Variants in CARNMT1 observed in about 807,000 individuals in gnomAD.
The protein encoded by CARNMT1 is carnosine N-methyltransferase 1.
A neutral mutation model predicts 49.6 loss-of-function variants in CARNMT1; 28 were observed. The ratio of observed to expected loss-of-function variants is 0.56; its 90% CI spans 0.42 to 0.77. The LOEUF is 0.77. Ranked by LOEUF, CARNMT1 falls within the 30% of genes least tolerant of loss-of-function variation. The pLI is 0.00. For synonymous variants in CARNMT1, 178 were observed against 175.0 expected (o/e 1.02, Z -0.13); for missense variants, 421 against 512.6 (o/e 0.82, Z 1.73).
intron 3 of CARNMT1, among the ~76,000 whole-genome samples, chr9:75,002,729 G>C (rs1326760084): frequency 6.6e-6 from 1 of 152,034 alleles, no homozygotes; most frequent in African/African-American, 2.4e-5. Flanking sequence ...AGGTTTAACA[G>C]AGCTAGTATT....
intron 1 of CARNMT1, among the ~76,000 whole-genome samples, chr9:75,025,626 G>A (rs1822502050): frequency 6.6e-6 from 1 of 151,982 alleles, no homozygotes; most frequent in Non-Finnish European, 1.5e-5. Flanking sequence ...ACTATTTCTA[G>A]GCTATGCAAG....
Position 74,982,868 on chromosome 9 carries a change from G to A in CARNMT1, c.*899C>T, listed in dbSNP as rs1832723336. On this transcript the variant is annotated 3_prime_UTR_variant, in exon 8 of 8. Transcript: ENST00000376834. ...CTTTTTATTTCTCACTTTGAATGTTGAGATCTCGTATATTTCAAAGTGATC... is the reference window on the plus strand; with the variant it reads ...CTTTTTATTTCTCACTTTGAATGTTAAGATCTCGTATATTTCAAAGTGATC... The A allele has an allele frequency of 1.3e-5, 2 of 151,556 alleles. No homozygotes were observed. Among genetic ancestry groups the A allele is most frequent in the African/African-American group, 2.4e-5 (1 of 41,216 alleles). 9.4% of individuals were successfully genotyped at this position (151,556 alleles called of 1,614,324 possible).
At chr9:75,026,133 T>C (rs1822521079) in intron 1 of CARNMT1, among the ~76,000 whole-genome samples, 1 of 152,174 alleles carries the variant, frequency 6.6e-6, no homozygotes, top group Non-Finnish European at 1.5e-5. Context: ...AGAGAGTATA[T>C]ACAAATAAAA....
At chr9:75,008,563 C>T (rs1833590004) in intron 3 of CARNMT1, among the ~76,000 whole-genome samples, 1 of 152,104 alleles carries the variant, frequency 6.6e-6, no homozygotes, top group Admixed American at 6.6e-5. Flanking sequence ...GCCTCGGCCC[C>T]CCAAAGTGCT....
Position 74,980,847 on chromosome 9 carries a change from A to G in CARNMT1, c.*2920T>C, listed in dbSNP as rs1293701289. On this transcript the variant is annotated 3_prime_UTR_variant, in exon 8 of 8. Coordinates refer to ENST00000376834, the MANE Select transcript of CARNMT1 (RefSeq NM_152420.3). ...CAGTGAACTTGAATGAAACAAAGTG[A>G]AAATAGTTAGTATAAGGCCTGGCAT... Among the ~76,000 whole-genome samples, 1 of 152,188 alleles carries G rather than the reference A, an allele frequency of 6.6e-6. No individual in the cohort carries two copies. The highest frequency in any genetic ancestry group is 1.5e-5 in the Non-Finnish European group (1 of 68,000).
intron 3 of CARNMT1, among the ~76,000 whole-genome samples, chr9:75,006,880 T>A (rs1361717743): frequency 6.6e-6 from 1 of 152,194 alleles, no homozygotes; most frequent in Admixed American, 6.5e-5. Context: ...TCACTAATTA[T>A]CTTATAATTA....
At chr9:75,005,827 A>AACACACACACACACACAC in intron 3 of CARNMT1, among the ~76,000 whole-genome samples, 1 of 135,688 alleles carries the variant, frequency 7.4e-6, no homozygotes, top group Non-Finnish European at 1.6e-5. Context: ...GTGAAATTAA[A>AACACACACACACACACAC]ACACACACAC....
At chr9:75,027,336 A>C (rs1387307600) in intron 1 of CARNMT1, 1 of 860,460 alleles carries the variant, frequency 1.2e-6, no homozygotes, top group African/African-American at 1.8e-5. Flanking sequence ...TTGCAGAAAA[A>C]AAGAACGTAA....
At chr9:74,992,880 G>A (rs1170880990) in intron 6 of CARNMT1, among the ~76,000 whole-genome samples, 1 of 151,952 alleles carries the variant, frequency 6.6e-6, no homozygotes, top group East Asian at 1.9e-4. Flanking sequence ...GCAGGGTTAG[G>A]GTAAAATCAT....
At chr9:74,993,261 G>A (rs904259104) in intron 6 of CARNMT1, among the ~76,000 whole-genome samples, 8 of 152,114 alleles carry the variant, frequency 5.3e-5, no homozygotes, top group African/African-American at 1.7e-4. Flanking sequence ...AACCCAACCC[G>A]AAAGGATCAC....
At chr9:75,002,089 A>C (rs549744972) in intron 3 of CARNMT1, among the ~76,000 whole-genome samples, 3 of 152,110 alleles carry the variant, frequency 2.0e-5, no homozygotes, top group African/African-American at 7.2e-5. Context: ...AACAGGAGGA[A>C]AAGTTTCAAC....
At chr9:74,985,208 C>G (rs1443259796) in intron 6 of CARNMT1, among the ~76,000 whole-genome samples, 198 bp from the exon 7 acceptor site, 2 of 152,192 alleles carry the variant, frequency 1.3e-5, no homozygotes, top group Non-Finnish European at 2.9e-5. Flanking sequence ...AGGAGTGAGT[C>G]CCTCTGGCAT....
At chr9:75,001,204 T>A (rs1833342944) in intron 3 of CARNMT1, among the ~76,000 whole-genome samples, 1 of 152,158 alleles carries the variant, frequency 6.6e-6, no homozygotes, top group Admixed American at 6.5e-5. Context: ...AGTATTTAAA[T>A]CTTTATATAA....
intron 3 of CARNMT1, among the ~76,000 whole-genome samples, chr9:75,012,917 CAAAAAAAA>C (rs902857324): frequency 5.6e-5 from 6 of 107,440 alleles, no homozygotes; most frequent in Non-Finnish European, 9.8e-5. Flanking sequence ...GACTCCGTCT[CAAAAAAAA>C]AAAAAAAATC....
intron 3 of CARNMT1, chr9:75,016,028 C>T (rs1032959038): frequency 2.3e-5 from 8 of 341,944 alleles, no homozygotes; most frequent in Admixed American, 4.5e-5. Context: ...TGATAATTTT[C>T]GACCTAACCT....
chr9:74,992,333 T>C (rs1368336976), intron 6 of CARNMT1, among the ~76,000 whole-genome samples: 1 of 152,076 alleles, frequency 6.6e-6, no homozygotes, highest in African/African-American at 2.4e-5. Flanking sequence ...ATAAGACCTA[T>C]CTTTCAGTAC....
At position 74,983,729 on chromosome 9, in the gene CARNMT1, T is replaced by C; in HGVS notation, c.*38A>G. ...GAGTCGTTGATTTCAGCATTTGTTC[T>C]TACTAAACTTTTTTCCAGGTGGTAT... On this transcript the variant is annotated 3_prime_UTR_variant, in exon 8 of 8. Coordinates refer to ENST00000376834, the MANE Select transcript of CARNMT1 (RefSeq NM_152420.3). 7.9e-7 allele frequency: 1 copy of C among 1,266,878 alleles called. No homozygotes were observed. Among genetic ancestry groups the C allele is most frequent in the Non-Finnish European group, 1.1e-6 (1 of 892,516 alleles). The allele number at this position is 1,266,878 out of a possible 1,614,324, so 78.5% of individuals were successfully genotyped here.
At chr9:75,010,795 A>T (rs7857510) in intron 3 of CARNMT1, among the ~76,000 whole-genome samples, 1 of 133,492 alleles carries the variant, frequency 7.5e-6, no homozygotes, top group Non-Finnish European at 1.7e-5. Context: ...TAATAAAGGT[A>T]GAGGCAGGGT....
At chr9:74,993,229 A>G (rs11144179) in intron 6 of CARNMT1, among the ~76,000 whole-genome samples, 8,580 of 152,184 alleles carry the variant, frequency 0.056, 480 homozygotes, top group East Asian at 0.28. Flanking sequence ...GTCTCTTAGA[A>G]CATAAGAAAT....
Sources: gnomAD v4.1 joint callset for allele counts (sites outside exome capture counted in the v4.1 genomes callset) on GRCh38, gnomAD v4.1.1 for gene constraint, MANE v1.5 for transcripts, NCBI Gene and HGNC (gene_info 2026-07-23, HGNC 2026-07-21) for gene names.